STAP1: variants seen among roughly 807,000 people sequenced by gnomAD.
STAP1 encodes signal-transducing adaptor protein 1.
STAP1 carries 30 observed loss-of-function variants against 37.8 expected under a neutral mutation model. The observed-to-expected ratio is 0.79, with a 90% confidence interval of 0.59 to 1.08. The LOEUF (loss-of-function observed/expected upper bound fraction) is 1.08, where lower values mean the gene tolerates loss of function less well. Among genes scored for constraint, STAP1 ranks in the 50% least tolerant of loss-of-function variants. The pLI is 0.00. For synonymous variants in STAP1, 130 were observed against 116.0 expected, an observed-to-expected ratio of 1.12 and a Z score of -0.78; for missense variants, 357 against 349.4, an observed-to-expected ratio of 1.02 and a Z score of -0.17.
At chr4:67,578,610 C>T (rs970597943) in intron 4 of STAP1, among the ~76,000 whole-genome samples, 22 of 152,040 alleles carry the variant, frequency 1.4e-4, no homozygotes, top group Non-Finnish European at 2.6e-4. Context: ...CTTCCAATAC[C>T]GGGTATAACT....
chr4:67,575,420 C>G lies in STAP1; in HGVS notation c.228C>G (p.Cys76Trp), dbSNP rs748758506. 1.1e-5 allele frequency: 18 copies of G among 1,602,334 alleles called. No homozygotes were observed. Among genetic ancestry groups the G allele is most frequent in the Non-Finnish European group, 1.5e-5 (18 of 1,176,692 alleles). ...VDKLDIVDLT[C>W]LTEQNSTEKN... is the part of the protein sequence containing the mutation. ...AATTAGACATAGTAGACCTCACATGCCTTACTGAGCAGAATTCAACTGAAA... is the reference window on the plus strand; with the variant it reads ...AATTAGACATAGTAGACCTCACATGGCTTACTGAGCAGAATTCAACTGAAA... Residue 76 changes from cysteine (C) to tryptophan (W), a missense_variant, in exon 3 of 9, where the codon TGC becomes TGG. Coordinates refer to ENST00000265404, the MANE Select transcript of STAP1 (RefSeq NM_012108.4).
chr4:67,605,508 G>C (rs1243332215), intron 8 of STAP1, among the ~76,000 whole-genome samples: 16 of 151,948 alleles, frequency 1.1e-4, no homozygotes, highest in Admixed American at 1.0e-3. Flanking sequence ...GCCTCCCCCT[G>C]CATTTCAGAT....
chr4:67,571,759 A>G (rs1727611168), intron 2 of STAP1, among the ~76,000 whole-genome samples: 1 of 152,200 alleles, frequency 6.6e-6, no homozygotes, highest in South Asian at 2.1e-4. Context: ...GGAACACTAT[A>G]AGAGACTTTA....
chr4:67,574,050 T>C (rs1413379022), intron 2 of STAP1, among the ~76,000 whole-genome samples: 1 of 152,082 alleles, frequency 6.6e-6, no homozygotes, highest in Non-Finnish European at 1.5e-5. Context: ...AATTTCTTAA[T>C]AGGATTGCCA....
intron 4 of STAP1, among the ~76,000 whole-genome samples, chr4:67,580,936 T>G (rs1727839875): frequency 6.6e-6 from 1 of 152,176 alleles, no homozygotes; most frequent in East Asian, 1.9e-4. Flanking sequence ...GAGAGTGAGG[T>G]ACCTTGAAGG....
chr4:67,590,010 C>T (rs1168709500), intron 6 of STAP1, among the ~76,000 whole-genome samples: 1 of 152,056 alleles, frequency 6.6e-6, no homozygotes, highest in South Asian at 2.1e-4. Flanking sequence ...CATTATGTTG[C>T]CCAGTCTGGT....
chr4:67,578,609 C>G (rs1727779743), intron 4 of STAP1, among the ~76,000 whole-genome samples: 1 of 152,096 alleles, frequency 6.6e-6, no homozygotes. Context: ...GCTTCCAATA[C>G]CGGGTATAAC....
intron 4 of STAP1, among the ~76,000 whole-genome samples, chr4:67,579,464 A>G (rs999243372): frequency 6.6e-6 from 1 of 152,170 alleles, no homozygotes; most frequent in East Asian, 1.9e-4. Flanking sequence ...TTGCATTGCT[A>G]TAAAGAAATA....
At chr4:67,563,627 C>G (rs1727401486) in intron 1 of STAP1, among the ~76,000 whole-genome samples, 1 of 152,108 alleles carries the variant, frequency 6.6e-6, no homozygotes, top group Non-Finnish European at 1.5e-5. Context: ...CACTTGAACC[C>G]AGGAGTTCGA....
intron 8 of STAP1, among the ~76,000 whole-genome samples, chr4:67,604,426 T>C (rs1022638913): frequency 6.6e-6 from 1 of 152,220 alleles, no homozygotes; most frequent in African/African-American, 2.4e-5. Context: ...TGGGGGCTGA[T>C]AGCTGGAGGG....
Position 67,606,206 on chromosome 4 carries a change from G to A in STAP1, c.827-90G>A, listed in dbSNP as rs187925935. 3,681 of 1,012,554 alleles carry A rather than the reference G, an allele frequency of 3.6e-3. 12 individuals carry two copies. Among genetic ancestry groups the A allele is most frequent in the Non-Finnish European group, 4.3e-3 (2,933 of 675,056 alleles). The allele number at this position is 1,012,554 out of a possible 1,614,324, so 62.7% of individuals were successfully genotyped here. A position where few individuals can be genotyped will look rare whatever the true frequency, so the allele number is the denominator to read the frequency against. ...AACACACCAGCAATGTTCCACACAC[G>A]AGCAGGAAAATCAACTCACTGAAAA... On this transcript the variant is annotated intron_variant, in intron 8 of 8. Transcript: ENST00000265404.
intron 6 of STAP1, among the ~76,000 whole-genome samples, chr4:67,587,820 A>T (rs1422031021): frequency 6.6e-6 from 1 of 150,632 alleles, no homozygotes; most frequent in Admixed American, 6.6e-5. Context: ...TCCCAGGTTC[A>T]AGCAATTCTC....
chr4:67,567,510 G>A (rs1412018309), intron 1 of STAP1, among the ~76,000 whole-genome samples: 1 of 152,146 alleles, frequency 6.6e-6, no homozygotes, highest in African/African-American at 2.4e-5. Context: ...TTTGAAATAT[G>A]ACTTTTCTGC....
intron 1 of STAP1, among the ~76,000 whole-genome samples, chr4:67,569,974 G>A (rs556917420): frequency 3.3e-5 from 5 of 152,150 alleles, no homozygotes; most frequent in East Asian, 1.9e-4. Context: ...CAAGGGAGTC[G>A]CCCACCTCAG....
intron 7 of STAP1, 100 bp from the exon 8 acceptor site, chr4:67,593,160 A>G: frequency 1.3e-6 from 1 of 768,706 alleles, no homozygotes; most frequent in Non-Finnish European, 2.1e-6. Flanking sequence ...CATTGAAGTG[A>G]AGTAATGACA....
chr4:67,604,341 G>T (rs1335253834), intron 8 of STAP1, among the ~76,000 whole-genome samples: 1 of 152,146 alleles, frequency 6.6e-6, no homozygotes, highest in Non-Finnish European at 1.5e-5. Context: ...TACTGTAATT[G>T]CTCACCGGAT....
chr4:67,591,244 A>C (rs1252429378), intron 7 of STAP1, among the ~76,000 whole-genome samples: 1 of 152,218 alleles, frequency 6.6e-6, no homozygotes, highest in Non-Finnish European at 1.5e-5. Flanking sequence ...ATAAATCTTC[A>C]AATATGTTTA....
intron 8 of STAP1, among the ~76,000 whole-genome samples, chr4:67,597,171 G>A (rs1357506627): frequency 6.6e-6 from 1 of 152,216 alleles, no homozygotes; most frequent in Non-Finnish European, 1.5e-5. Flanking sequence ...AGCTGTGCCA[G>A]CTCCAGCAGT....
chr4:67,576,464 A>C (rs945749362), intron 3 of STAP1, among the ~76,000 whole-genome samples: 1 of 152,254 alleles, frequency 6.6e-6, no homozygotes, highest in South Asian at 2.1e-4. Context: ...TCTATAAAAC[A>C]ATCAAACAAG....
Sources: gnomAD v4.1 joint callset for allele counts (sites outside exome capture counted in the v4.1 genomes callset) on GRCh38, gnomAD v4.1.1 for gene constraint, MANE v1.5 for transcripts, NCBI Gene and HGNC (gene_info 2026-07-23, HGNC 2026-07-21) for gene names.